The following FAR2 variants were observed in gnomAD, a reference collection of about 807,000 sequenced individuals.
The protein encoded by FAR2 is fatty acyl-CoA reductase 2, also known as epididymis secretory protein Li 81.
Under a neutral mutation model 56.0 loss-of-function variants are expected in FAR2, and 19 were observed. That is an observed-to-expected ratio of 0.34 (90% CI 0.24 to 0.50). The LOEUF is 0.50. Among genes scored for constraint, FAR2 ranks in the 20% least tolerant of loss-of-function variants. FAR2 has a pLI of 0.98. For synonymous variants in FAR2, 219 were observed against 218.8 expected (o/e 1.00, Z -0.01); for missense variants, 508 against 642.2 (o/e 0.79, Z 2.26).
intron 2 of FAR2, among the ~76,000 whole-genome samples, chr12:29,271,054 T>A (rs1174970861): frequency 6.6e-6 from 1 of 152,230 alleles, no homozygotes; most frequent in African/African-American, 2.4e-5. Flanking sequence ...ATGTGACTAC[T>A]AAGTAGCCAT....
At chr12:29,229,364 A>G (rs936774026) in intron 1 of FAR2, among the ~76,000 whole-genome samples, 3 of 152,290 alleles carry the variant, frequency 2.0e-5, no homozygotes, top group Admixed American at 1.3e-4. Flanking sequence ...TAAATTCATG[A>G]CCTACCTGCT....
intron 4 of FAR2, among the ~76,000 whole-genome samples, chr12:29,303,290 GGCAAGTTT>G (rs1305600491): frequency 6.6e-6 from 1 of 152,146 alleles, no homozygotes; most frequent in African/African-American, 2.4e-5. Flanking sequence ...TTTATGAGCA[GGCAAGTTT>G]GGGAAAGACT....
chr12:29,281,740 C>T (rs1948786991), intron 2 of FAR2, among the ~76,000 whole-genome samples: 1 of 95,932 alleles, frequency 1.0e-5, no homozygotes, highest in Admixed American at 8.8e-5. Flanking sequence ...CACAACATCA[C>T]CTAAAAAAAA....
At chr12:29,291,618 G>A in intron 2 of FAR2, 1 of 360,296 alleles carries the variant, frequency 2.8e-6, no homozygotes, top group East Asian at 7.5e-5. Context: ...TAGTGGGTAT[G>A]GGATAGGACC....
chr12:29,181,570 CAGTAGAA>C (rs144313914), intron 1 of FAR2, among the ~76,000 whole-genome samples: 26,173 of 152,072 alleles, frequency 0.17, 2,381 homozygotes, highest in South Asian at 0.28. Context: ...AGATGCAAGA[CAGTAGAA>C]AGAACCTGCC....
At chr12:29,251,863 A>G (rs964009295) in intron 1 of FAR2, among the ~76,000 whole-genome samples, 1 of 152,148 alleles carries the variant, frequency 6.6e-6, no homozygotes, top group Non-Finnish European at 1.5e-5. Flanking sequence ...GCCAGGATTC[A>G]TGGGTCCAAG....
intron 1 of FAR2, among the ~76,000 whole-genome samples, chr12:29,228,837 C>T (rs1008382548): frequency 1.3e-5 from 2 of 152,216 alleles, no homozygotes; most frequent in Non-Finnish European, 2.9e-5. Context: ...ATCCGCTGGC[C>T]TTGCCCTCCC....
intron 2 of FAR2, among the ~76,000 whole-genome samples, chr12:29,284,763 T>G (rs963056197): frequency 6.6e-6 from 1 of 152,016 alleles, no homozygotes; most frequent in Non-Finnish European, 1.5e-5. Flanking sequence ...AACAAAAAAC[T>G]TTGAATTAGA....
chr12:29,322,020 G>C, intron 10 of FAR2, 96 bp downstream of exon 10: 1 of 1,367,342 alleles, frequency 7.3e-7, no homozygotes, highest in Non-Finnish European at 9.7e-7. Context: ...TAAGACGTTT[G>C]GTTATAGACA....
chr12:29,263,275 TAATCTG>T (rs1034653315), intron 1 of FAR2, among the ~76,000 whole-genome samples: 2 of 152,182 alleles, frequency 1.3e-5, no homozygotes, highest in Non-Finnish European at 2.9e-5. Context: ...ACATTGAACT[TAATCTG>T]CACTGTAGAT....
At chr12:29,239,224 G>A (rs1947986613) in intron 1 of FAR2, among the ~76,000 whole-genome samples, 1 of 152,074 alleles carries the variant, frequency 6.6e-6, no homozygotes, top group Non-Finnish European at 1.5e-5. Context: ...TGAGTCACTA[G>A]GGTTCATCTT....
At chr12:29,298,981 AGGTG>A in intron 4 of FAR2, among the ~76,000 whole-genome samples, 1 of 152,224 alleles carries the variant, frequency 6.6e-6, no homozygotes, top group East Asian at 1.9e-4. Flanking sequence ...TGGGAGGCCG[AGGTG>A]GGTGGATCAC....
intron 1 of FAR2, among the ~76,000 whole-genome samples, chr12:29,252,605 A>G (rs957464836): frequency 2.0e-5 from 3 of 152,182 alleles, no homozygotes; most frequent in Non-Finnish European, 4.4e-5. Context: ...TTAACTTTCC[A>G]TCATAGGATT....
intron 2 of FAR2, among the ~76,000 whole-genome samples, chr12:29,272,292 T>G (rs1948632760): frequency 6.6e-6 from 1 of 152,240 alleles, no homozygotes; most frequent in Non-Finnish European, 1.5e-5. Flanking sequence ...TTTGGTCTTT[T>G]TATGAAGTCC....
At chr12:29,273,400 A>G (rs1023306173) in intron 2 of FAR2, among the ~76,000 whole-genome samples, 21 of 152,034 alleles carry the variant, frequency 1.4e-4, no homozygotes, top group African/African-American at 5.1e-4. Context: ...GGTGGGGGTT[A>G]GGCCTGAAGA....
At chr12:29,183,179 T>C (rs1223042902) in intron 1 of FAR2, among the ~76,000 whole-genome samples, 1 of 152,164 alleles carries the variant, frequency 6.6e-6, no homozygotes, top group Non-Finnish European at 1.5e-5. Context: ...GACAATACAC[T>C]CTCCTGGTTT....
rs1949775167 is a variant in FAR2, at chr12:29,334,832, C to T, written c.*1038C>T. On this transcript the variant is annotated 3_prime_UTR_variant, in exon 12 of 12. Coordinates refer to ENST00000536681, the MANE Select transcript of FAR2 (RefSeq NM_001271783.2). Reference sequence around the variant, plus strand: ...ACAATGTTAACTGTACAACACACAGCAGAAAAGTGAATAGACTTCACTAAG... The same window carrying T: ...ACAATGTTAACTGTACAACACACAGTAGAAAAGTGAATAGACTTCACTAAG... The T allele has an allele frequency of 6.6e-6, 1 of 152,186 alleles. No individual in the cohort carries two copies. The highest frequency in any genetic ancestry group is 1.9e-4 in the East Asian group (1 of 5,184). 9.4% of individuals were successfully genotyped at this position (152,186 alleles called of 1,614,324 possible). A position where few individuals can be genotyped will look rare whatever the true frequency, so the allele number is the denominator to read the frequency against.
chr12:29,295,007 A>G (rs190997225), intron 3 of FAR2, among the ~76,000 whole-genome samples: 232 of 152,300 alleles, frequency 1.5e-3, no homozygotes, highest in African/African-American at 5.5e-3. Flanking sequence ...TCAGGCTTTC[A>G]CTTCCAGTAC....
At chr12:29,326,655 A>T (rs1949653088) in intron 10 of FAR2, among the ~76,000 whole-genome samples, 1 of 152,254 alleles carries the variant, frequency 6.6e-6, no homozygotes, top group South Asian at 2.1e-4. Flanking sequence ...CATAAACCAC[A>T]TGATTAGCTC....
Sources: gnomAD v4.1 joint callset for allele counts (sites outside exome capture counted in the v4.1 genomes callset) on GRCh38, gnomAD v4.1.1 for gene constraint, MANE v1.5 for transcripts, NCBI Gene and HGNC (gene_info 2026-07-23, HGNC 2026-07-21) for gene names.